The following TRAF2 variants were observed in gnomAD, a reference collection of about 807,000 sequenced individuals.
TRAF2 encodes the protein TNF receptor-associated factor 2.
Under a neutral mutation model 55.6 loss-of-function variants are expected in TRAF2, and 6 were observed. That is an observed-to-expected ratio of 0.11 (90% CI 0.06 to 0.21). The LOEUF (loss-of-function observed/expected upper bound fraction) is 0.21. Ranked by LOEUF, TRAF2 falls within the 10% of genes least tolerant of loss-of-function variation. The probability of loss-of-function intolerance (pLI) is 1.00; values close to 1 mark genes in which losing one functional copy is unlikely to be tolerated. For synonymous variants in TRAF2, 329 were observed against 276.3 expected, an observed-to-expected ratio of 1.19 and a Z score of -1.89; for missense variants, 561 against 684.5, an observed-to-expected ratio of 0.82 and a Z score of 2.01.
chr9:136,898,961 A>C (rs1218746296), intron 2 of TRAF2, 33 bp downstream of exon 2: 5 of 1,559,168 alleles, frequency 3.2e-6, no homozygotes, highest in Non-Finnish European at 4.3e-6. Flanking sequence ...GAGGAGGGGC[A>C]GGCAGGCTAG....
At chr9:136,915,126 C>G (rs1850209623) in intron 6 of TRAF2, among the ~76,000 whole-genome samples, 2 of 152,084 alleles carry the variant, frequency 1.3e-5, no homozygotes, top group African/African-American at 2.4e-5. Flanking sequence ...TTGCGGTGAG[C>G]TGAAATCATG....
rs200338971 is a variant in TRAF2, at chr9:136,921,235, A to G, written c.1138+20A>G. Reference sequence around the variant, plus strand: ...CCCCAGGTGTGGTTCTAGGACCCCCACCTCACTGCAGCTGCTGTTTACTTG... The same window carrying G: ...CCCCAGGTGTGGTTCTAGGACCCCCGCCTCACTGCAGCTGCTGTTTACTTG... On this transcript the variant is annotated intron_variant, in intron 9 of 10. Coordinates refer to ENST00000247668, the MANE Select transcript of TRAF2 (RefSeq NM_021138.4). The G allele has an allele frequency of 2.5e-4, 402 of 1,612,418 alleles. 2 individuals carry two copies. The African/African-American group carries it at 4.7e-3, about 19-fold the overall frequency.
intron 1 of TRAF2, chr9:136,889,849 C>T (rs528903359): frequency 6.6e-6 from 1 of 152,280 alleles, no homozygotes; most frequent in South Asian, 2.1e-4. Flanking sequence ...CAGTCGGTCA[C>T]TACATTTGTG....
At chr9:136,889,933 G>A (rs557337159) in intron 1 of TRAF2, among the ~76,000 whole-genome samples, 3 of 150,986 alleles carry the variant, frequency 2.0e-5, no homozygotes, top group South Asian at 2.1e-4. Flanking sequence ...TGTTCAGCTC[G>A]TCACCGCGTG....
intron 9 of TRAF2, among the ~76,000 whole-genome samples, chr9:136,921,512 C>A (rs1238672953): frequency 6.6e-6 from 1 of 151,158 alleles, no homozygotes; most frequent in Non-Finnish European, 1.5e-5. Context: ...GCACACAGCC[C>A]TAAAGCAGAC....
intron 7 of TRAF2, among the ~76,000 whole-genome samples, chr9:136,918,251 ATATATATT>A (rs67960754): frequency 1.2e-3 from 51 of 43,714 alleles, no homozygotes; most frequent in African/African-American, 3.2e-3. Flanking sequence ...ATATATATAT[ATATATATT>A]TATTTAATTA....
intron 4 of TRAF2, chr9:136,902,143 C>CTT (rs1156389036): frequency 2.0e-5 from 3 of 152,248 alleles, no homozygotes; most frequent in Non-Finnish European, 4.4e-5. Context: ...CGATGCAAAG[C>CTT]TTTCTAGGCT....
At chr9:136,896,619 T>TG (rs1408849002) in intron 1 of TRAF2, among the ~76,000 whole-genome samples, 1 of 151,396 alleles carries the variant, frequency 6.6e-6, no homozygotes, top group Non-Finnish European at 1.5e-5. Flanking sequence ...CTTATAAGGT[T>TG]GGGGGGAACC....
chr9:136,885,110 G>A (rs1269068228), upstream of TRAF2, among the ~76,000 whole-genome samples: 1 of 152,228 alleles, frequency 6.6e-6, no homozygotes, highest in East Asian at 1.9e-4. Flanking sequence ...CAGGAATGTG[G>A]GTTTGGGGCG....
At chr9:136,905,528 T>G (rs190942586) in intron 4 of TRAF2, among the ~76,000 whole-genome samples, 1 of 152,158 alleles carries the variant, frequency 6.6e-6, no homozygotes, top group Non-Finnish European at 1.5e-5. Flanking sequence ...TGGTGATGGT[T>G]ACATAACATC....
intron 4 of TRAF2, among the ~76,000 whole-genome samples, chr9:136,904,284 G>A (rs1436103138): frequency 6.6e-6 from 1 of 152,154 alleles, no homozygotes; most frequent in Non-Finnish European, 1.5e-5. Flanking sequence ...GCTCACTGCA[G>A]CCTCAAACTC....
At chr9:136,898,262 T>C (rs1012628118) in intron 1 of TRAF2, among the ~76,000 whole-genome samples, 16 of 152,028 alleles carry the variant, frequency 1.1e-4, no homozygotes, top group Non-Finnish European at 2.4e-4. Context: ...GCCCAGTGGG[T>C]TTGGTAAGAT....
intron 4 of TRAF2, chr9:136,900,724 A>G (rs573593838): frequency 1.9e-5 from 12 of 620,358 alleles, no homozygotes; most frequent in African/African-American, 1.1e-4. Flanking sequence ...GACCTGCACC[A>G]TGGAGCTTGG....
At chr9:136,923,004 C>T (rs542160931) in intron 9 of TRAF2, among the ~76,000 whole-genome samples, 1 of 152,268 alleles carries the variant, frequency 6.6e-6, no homozygotes, top group South Asian at 2.1e-4. Context: ...GGTGCTGCCA[C>T]AGTGGGGTCC....
At chr9:136,909,681 G>C (rs558444040) in intron 5 of TRAF2, among the ~76,000 whole-genome samples, 3 of 152,330 alleles carry the variant, frequency 2.0e-5, no homozygotes, top group African/African-American at 7.2e-5. Flanking sequence ...TCCTCTGGTG[G>C]CTTGGGTCTC....
chr9:136,886,251 C>A, upstream of TRAF2: 1 of 310,354 alleles, frequency 3.2e-6, no homozygotes, highest in Non-Finnish European at 4.7e-6. Context: ...CCGGCGCGCT[C>A]TTTGAGGAAA....
At chr9:136,913,628 A>G (rs1850173967) in intron 6 of TRAF2, among the ~76,000 whole-genome samples, 1 of 151,748 alleles carries the variant, frequency 6.6e-6, no homozygotes, top group Non-Finnish European at 1.5e-5. Flanking sequence ...ACTGGAATAC[A>G]TTTTTTCTTT....
chr9:136,887,579 C>G (rs1013712713), intron 1 of TRAF2, among the ~76,000 whole-genome samples: 1 of 152,138 alleles, frequency 6.6e-6, no homozygotes, highest in Admixed American at 6.6e-5. Flanking sequence ...TGGGTCAAGT[C>G]AAGGGAAACT....
intron 10 of TRAF2, among the ~76,000 whole-genome samples, chr9:136,925,210 G>A (rs750605024): frequency 2.6e-5 from 4 of 152,180 alleles, no homozygotes; most frequent in Non-Finnish European, 5.9e-5. Context: ...GGTGTGGAGG[G>A]CCCACAGGCC....
Sources: allele counts gnomAD v4.1 joint callset (sites outside exome capture counted in the v4.1 genomes callset), GRCh38; gene constraint gnomAD v4.1.1; transcripts MANE v1.5; gene names NCBI Gene and HGNC (gene_info 2026-07-23, HGNC 2026-07-21).